The following ATF3 variants were observed in gnomAD, a reference collection of about 807,000 sequenced individuals.
The protein encoded by ATF3 is cyclic AMP-dependent transcription factor ATF-3.
A neutral mutation model predicts 18.4 loss-of-function variants in ATF3; 10 were observed. That is an observed-to-expected ratio of 0.54 (90% confidence interval 0.34 to 0.92). The LOEUF (loss-of-function observed/expected upper bound fraction) is 0.92, where lower values mean the gene tolerates loss of function less well. Among genes scored for constraint, ATF3 ranks in the 40% least tolerant of loss-of-function variants. The pLI is 0.02. For missense variants in ATF3, 183 were observed against 222.3 expected, an observed-to-expected ratio of 0.82 and a Z score of 1.12; for synonymous variants, 78 against 87.9, an observed-to-expected ratio of 0.89 and a Z score of 0.63.
chr1:212,595,076 A>G (rs1424441519), intron 1 of ATF3, among the ~76,000 whole-genome samples: 3 of 152,226 alleles, frequency 2.0e-5, no homozygotes. Context: ...TATTTTAATA[A>G]TATCTCAACC....
chr1:212,577,457 A>C (rs71646170), intron 1 of ATF3, among the ~76,000 whole-genome samples: 19,963 of 152,156 alleles, frequency 0.13, 1,699 homozygotes, highest in East Asian at 0.29. Context: ...AGAATACAAT[A>C]TATTGTTATT....
chr1:212,598,485 G>T (rs546965549), intron 1 of ATF3, among the ~76,000 whole-genome samples: 1 of 152,284 alleles, frequency 6.6e-6, no homozygotes, highest in East Asian at 1.9e-4. Context: ...TACTCTTCTA[G>T]TTATTTCTAA....
Position 212,618,947 on chromosome 1 carries a change from G to A in ATF3, c.349-411G>A, listed in dbSNP as rs901083618. ...GGATCAGTGAAAATTAGGGAATTTT[G>A]TGTGTTGCTATATACATTTTTTCTG... On this transcript the variant is annotated intron_variant, in intron 3 of 3. Coordinates refer to ENST00000341491, the MANE Select transcript of ATF3 (RefSeq NM_001674.4). This position sits in a 1 kb window ranked among gnomAD's most constrained non-coding sequence, Gnocchi z 4.4. The A allele has an allele frequency of 8.1e-6, 12 of 1,482,592 alleles. No homozygotes were observed. Among genetic ancestry groups the A allele is most frequent in the Non-Finnish European group, 1.1e-5 (12 of 1,067,216 alleles). 91.8% of individuals were successfully genotyped at this position (1,482,592 alleles called of 1,614,324 possible). A position where few individuals can be genotyped will look rare whatever the true frequency, so the allele number is the denominator to read the frequency against.
chr1:212,587,739 G>T (rs1294966847), intron 1 of ATF3, among the ~76,000 whole-genome samples: 1 of 152,188 alleles, frequency 6.6e-6, no homozygotes, highest in Non-Finnish European at 1.5e-5. Flanking sequence ...TCATACATAT[G>T]TGTGTATCTC....
At position 212,619,378 on chromosome 1, in the gene ATF3, T is replaced by A. The variant is rs1655273236; in HGVS notation, c.369T>A (p.Ser123Arg). 6.2e-7 allele frequency: 1 copy of A among 1,613,566 alleles called. No homozygotes were observed. Residue 123 changes from serine (S) to arginine (R), a missense_variant, in exon 4 of 4, where the codon AGT becomes AGA. By Grantham distance (110) the Ser-to-Arg change is moderately radical (BLOSUM62 -1). Transcript: ENST00000341491. This position sits in a 1 kb window ranked among gnomAD's most constrained non-coding sequence, Gnocchi z 4.4. ...CCCAGGAGTCGGAGAAGCTGGAAAG[T>A]GTGAATGCTGAACTGAAGGCTCAGA... The part of the protein sequence containing the change: ...CLQKESEKLE[S>R]VNAELKAQIE...
At chr1:212,597,519 C>T (rs957489301) in intron 1 of ATF3, among the ~76,000 whole-genome samples, 1 of 152,038 alleles carries the variant, frequency 6.6e-6, no homozygotes, top group Non-Finnish European at 1.5e-5. Context: ...CTTTTCACCC[C>T]CTGCCCCATA....
chr1:212,594,654 G>C (rs958379601), intron 1 of ATF3, among the ~76,000 whole-genome samples: 8 of 152,220 alleles, frequency 5.3e-5, no homozygotes, highest in African/African-American at 1.9e-4. Context: ...TCTATAGACA[G>C]AAACAGAGCA....
At chr1:212,570,252 A>AT (rs945303289) in intron 1 of ATF3, among the ~76,000 whole-genome samples, 170 of 151,546 alleles carry the variant, frequency 1.1e-3, no homozygotes, top group African/African-American at 4.1e-3. Flanking sequence ...GAATCTGTCA[A>AT]TTTTTTTTTC....
chr1:212,599,955 G>A (rs910380002), intron 1 of ATF3, among the ~76,000 whole-genome samples: 4 of 152,222 alleles, frequency 2.6e-5, no homozygotes, highest in South Asian at 2.1e-4. Flanking sequence ...GAGGGCCCCC[G>A]AAAGTGAGGG....
At chr1:212,589,109 G>A (rs1001282009) in intron 1 of ATF3, among the ~76,000 whole-genome samples, 1 of 152,178 alleles carries the variant, frequency 6.6e-6, no homozygotes. Flanking sequence ...TCTCCTTGAA[G>A]TGGCCATGAG....
chr1:212,598,610 C>T (rs879350093), intron 1 of ATF3, among the ~76,000 whole-genome samples: 3 of 152,200 alleles, frequency 2.0e-5, no homozygotes, highest in Non-Finnish European at 4.4e-5. Flanking sequence ...TCCCCCACCC[C>T]CATTACCCTT....
chr1:212,619,260 G>C lies in ATF3; in HGVS notation c.349-98G>C, dbSNP rs1571799251. On this transcript the variant is annotated intron_variant, in intron 3 of 3. Transcript: ENST00000341491. This position sits in a 1 kb window ranked among gnomAD's most constrained non-coding sequence, Gnocchi z 4.4. ...CTCGCAGCTTGATGAGCCCCGGTGT[G>C]TCCCAGGTACACCCCTGCATCCAGG... 1 of 1,611,182 alleles carries C rather than the reference G, an allele frequency of 6.2e-7. No individual in the cohort carries two copies.
rs553205879 is a variant in ATF3 at position 212,573,594 on chromosome 1, T to C, written c.-5+8111T>C. 4.4e-4 allele frequency among the ~76,000 whole-genome samples: 67 copies of C among 152,110 alleles called. 1 individual carries two copies. The South Asian group carries it at 9.9e-3, about 23-fold the overall frequency. On this transcript the variant is annotated intron_variant, in intron 1 of 3. Coordinates refer to the ATF3 transcript ENST00000366981. ...ATCAGGGTCATCTCTGTTAAGTAAA[T>C]TAGATAGATTTTCCATATTTGTCAA...
At chr1:212,593,965 G>A (rs1261491812) in intron 1 of ATF3, among the ~76,000 whole-genome samples, 8 of 152,194 alleles carry the variant, frequency 5.3e-5, no homozygotes, top group Non-Finnish European at 1.2e-4. Context: ...ATGTAAGATA[G>A]CACCCTATTT....
rs1655290198 is a variant in ATF3, at chr1:212,619,717, C to G, written c.*162C>G. ...CCTGCAGTGATTCAGCAGGCCCTTC[C>G]CATTCTGCCCCAGAGTGGGTCTTGG... is the stretch of plus-strand genomic sequence containing the variant. On this transcript the variant is annotated 3_prime_UTR_variant, in exon 4 of 4. Coordinates refer to ENST00000341491, the MANE Select transcript of ATF3 (RefSeq NM_001674.4). This position sits in a 1 kb window ranked among gnomAD's most constrained non-coding sequence, Gnocchi z 4.4. 1 of 932,330 alleles carries G rather than the reference C, an allele frequency of 1.1e-6. No homozygotes were observed. Among genetic ancestry groups the G allele is most frequent in the Non-Finnish European group, 1.6e-6 (1 of 631,550 alleles). The allele number at this position is 932,330 out of a possible 1,614,324, so 57.8% of individuals were successfully genotyped here. A position where few individuals can be genotyped will look rare whatever the true frequency, so the allele number is the denominator to read the frequency against.
intron 1 of ATF3, among the ~76,000 whole-genome samples, chr1:212,602,789 G>A (rs1182215419): frequency 1.3e-5 from 2 of 152,176 alleles, no homozygotes; most frequent in African/African-American, 4.8e-5. Context: ...AGAAGGGAGG[G>A]AACTAATCCT....
intron 1 of ATF3, among the ~76,000 whole-genome samples, chr1:212,580,107 G>A (rs940774583): frequency 2.0e-5 from 3 of 150,886 alleles, no homozygotes; most frequent in African/African-American, 7.3e-5. Flanking sequence ...GCAGTGAGCC[G>A]AGATCGAGCC....
chr1:212,576,547 T>C (rs999312120), intron 1 of ATF3, among the ~76,000 whole-genome samples: 3 of 151,816 alleles, frequency 2.0e-5, no homozygotes, highest in African/African-American at 7.2e-5. Flanking sequence ...TTTATTCATT[T>C]TGCTTTTACT....
At chr1:212,607,600 G>A (rs916704383), upstream of ATF3, among the ~76,000 whole-genome samples, 3 of 152,238 alleles carry the variant, frequency 2.0e-5, no homozygotes, top group Non-Finnish European at 4.4e-5. Context: ...TGCGGGTTCC[G>A]CCTGTGGTCA....
Sources: allele counts gnomAD v4.1 joint callset (sites outside exome capture counted in the v4.1 genomes callset), GRCh38; gene constraint gnomAD v4.1.1; non-coding constraint Gnocchi (gnomAD v3.1); transcripts MANE v1.5; gene names NCBI Gene and HGNC (gene_info 2026-07-23, HGNC 2026-07-21).